SMARCC1: variants seen among roughly 807,000 people sequenced by gnomAD.
The protein encoded by SMARCC1 is SWI/SNF complex subunit SMARCC1.
SMARCC1 carries 43 observed loss-of-function variants against 147.4 expected under a neutral mutation model. The observed-to-expected ratio is 0.29, with a 90% CI of 0.23 to 0.38. The LOEUF is 0.38. SMARCC1 is among the 10% of genes least tolerant of loss of function. SMARCC1 has a pLI of 1.00. For missense variants in SMARCC1, 1,119 were observed against 1,381.1 expected (o/e 0.81, Z 3.01); for synonymous variants, 495 against 484.4 (o/e 1.02, Z -0.29).
chr3:47,733,983 A>G (rs1304802771), intron 5 of SMARCC1, among the ~76,000 whole-genome samples: 2 of 152,038 alleles, frequency 1.3e-5, no homozygotes, highest in Non-Finnish European at 2.9e-5. Context: ...GTGTGTATAT[A>G]TATACATATG....
chr3:47,689,473 T>C, intron 12 of SMARCC1, 49 bp from the exon 13 acceptor site: 3 of 1,490,704 alleles, frequency 2.0e-6, no homozygotes, highest in African/African-American at 1.4e-5. Flanking sequence ...TAAATGTTCT[T>C]TGGGTTATTT....
At chr3:47,631,102 GAGA>G (rs1464746747) in intron 24 of SMARCC1, among the ~76,000 whole-genome samples, 1 of 151,782 alleles carries the variant, frequency 6.6e-6, no homozygotes, top group African/African-American at 2.4e-5. Flanking sequence ...GAAAAAGAGA[GAGA>G]AGGAGAGAGA....
intron 12 of SMARCC1, among the ~76,000 whole-genome samples, chr3:47,691,560 G>A (rs1267990179): frequency 6.6e-6 from 1 of 151,932 alleles, no homozygotes; most frequent in Non-Finnish European, 1.5e-5. Context: ...GTTGCAGTGA[G>A]CCAAGATCAC....
rs1201881513 is a variant in SMARCC1, at chr3:47,666,590, A to T, written c.1900-3998T>A. Reference sequence around the variant, plus strand: ...AAAAGGCAGACTGTTTTCCTAATTAAAAAAAAAAAAAAAAAAGGTTCTCTT... The same window carrying T: ...AAAAGGCAGACTGTTTTCCTAATTATAAAAAAAAAAAAAAAAGGTTCTCTT... On this transcript the variant is annotated intron_variant, in intron 19 of 27. Coordinates refer to ENST00000254480, the MANE Select transcript of SMARCC1 (RefSeq NM_003074.4). 5.9e-3 allele frequency among the ~76,000 whole-genome samples: 22 copies of T among 3,738 alleles called. No homozygotes were observed. In the Non-Finnish European group the frequency reaches 0.17, roughly 30 times the overall value. 2.5% of individuals were successfully genotyped at this position (3,738 alleles called of 152,430 possible).
intron 10 of SMARCC1, among the ~76,000 whole-genome samples, chr3:47,702,778 T>TA (rs2033940820): frequency 6.6e-6 from 1 of 152,174 alleles, no homozygotes; most frequent in Non-Finnish European, 1.5e-5. Flanking sequence ...TTTCTTTCTC[T>TA]AATTTATTCT....
intron 21 of SMARCC1, among the ~76,000 whole-genome samples, chr3:47,641,250 G>A (rs1426273002): frequency 5.3e-5 from 8 of 152,218 alleles, no homozygotes; most frequent in Admixed American, 4.6e-4. Flanking sequence ...ACTTTGGGAG[G>A]CCAAGATGGG....
chr3:47,588,376 T>A, intron 27 of SMARCC1, 70 bp from the exon 28 acceptor site: 1 of 1,436,314 alleles, frequency 7.0e-7, no homozygotes, highest in Non-Finnish European at 9.7e-7. Context: ...GCCTATTCAG[T>A]GAAAAAAAGA....
intron 24 of SMARCC1, among the ~76,000 whole-genome samples, chr3:47,634,688 T>A (rs555460732): frequency 6.6e-6 from 1 of 152,148 alleles, no homozygotes; most frequent in Non-Finnish European, 1.5e-5. Flanking sequence ...CAGCTAATAC[T>A]ATAAATAGAA....
At chr3:47,703,087 A>G (rs986034775) in intron 10 of SMARCC1, among the ~76,000 whole-genome samples, 13 of 151,272 alleles carry the variant, frequency 8.6e-5, no homozygotes, top group Admixed American at 4.6e-4. Context: ...TCAATCACGC[A>G]CCGGCTAATT....
rs1181044596 is a variant in SMARCC1, at chr3:47,701,322, G to A, written c.1121C>T (p.Pro374Leu). ...TTCTTCTATATTGGGTACAGGTGTT[G>A]GGTCTTCCATATCCTTGGTTAGATC... ...QEDLTKDMED[P>L]TPVPNIEEVV... is the part of the protein sequence containing the mutation. Residue 374 changes from proline (P) to leucine (L), a missense_variant, in exon 11 of 28, where the codon CCA becomes CTA. By Grantham distance (98) the Pro-to-Leu change is moderately conservative. This residue lies in a region of SMARCC1 where 542 missense variants were observed against 611.8 expected (regional missense o/e 0.89). Coordinates refer to ENST00000254480, the MANE Select transcript of SMARCC1 (RefSeq NM_003074.4). The A allele has an allele frequency of 1.2e-6, 2 of 1,612,640 alleles. No homozygotes were observed. Among genetic ancestry groups the A allele is most frequent in the Non-Finnish European group, 1.7e-6 (2 of 1,178,778 alleles).
intron 3 of SMARCC1, among the ~76,000 whole-genome samples, chr3:47,738,396 C>T (rs1400732232): frequency 6.6e-6 from 1 of 152,104 alleles, no homozygotes; most frequent in African/African-American, 2.4e-5. Flanking sequence ...AAGTAGTCCA[C>T]ATATCCAGGC....
At chr3:47,638,588 T>C (rs1041877932) in intron 22 of SMARCC1, 137 bp downstream of exon 22, 15 of 686,716 alleles carry the variant, frequency 2.2e-5, no homozygotes, top group Admixed American at 4.7e-5. Flanking sequence ...GTGAGAACTA[T>C]ACCTTAAACC....
Position 47,695,494 on chromosome 3 carries a change from C to A in SMARCC1, c.1166-2194G>T, listed in dbSNP as rs545171073. Among the ~76,000 whole-genome samples, 6 of 152,088 alleles carry A rather than the reference C, an allele frequency of 3.9e-5. No individual in the cohort carries two copies. The East Asian group carries it at 1.2e-3, about 29-fold the overall frequency. On this transcript the variant is annotated intron_variant, in intron 11 of 27. Transcript: ENST00000254480. ...TAAAAGTTACTTTGTCATCCGGGCG[C>A]GGTGGCTCATGCTTGTAATCGCAGA...
intron 2 of SMARCC1, among the ~76,000 whole-genome samples, chr3:47,769,321 C>T (rs1054467463): frequency 3.3e-5 from 5 of 151,650 alleles, no homozygotes; most frequent in African/African-American, 1.2e-4. Flanking sequence ...TCAAGACCAG[C>T]CTGGCCAAGA....
intron 24 of SMARCC1, among the ~76,000 whole-genome samples, chr3:47,630,482 A>C (rs1163485160): frequency 1.3e-5 from 2 of 152,242 alleles, no homozygotes; most frequent in Non-Finnish European, 2.9e-5. Flanking sequence ...ATGATTAACA[A>C]GAAGCAATAA....
chr3:47,620,181 G>T (rs2032706505), intron 25 of SMARCC1, among the ~76,000 whole-genome samples: 2 of 152,198 alleles, frequency 1.3e-5, no homozygotes, highest in South Asian at 4.1e-4. Flanking sequence ...ATTTATTTTT[G>T]GCCAGGTGCG....
chr3:47,760,482 T>A (rs2034760880), intron 2 of SMARCC1, among the ~76,000 whole-genome samples: 1 of 152,038 alleles, frequency 6.6e-6, no homozygotes, highest in Non-Finnish European at 1.5e-5. Context: ...GCCAACATGG[T>A]GAAACCCAGT....
chr3:47,633,766 AT>A (rs1559630503), intron 24 of SMARCC1, among the ~76,000 whole-genome samples: 77 of 10,908 alleles, frequency 7.1e-3, no homozygotes, highest in African/African-American at 0.013. Context: ...AAAAAAAAAT[AT>A]ATATATATAT....
chr3:47,657,922 T>C (rs771945563), intron 21 of SMARCC1, among the ~76,000 whole-genome samples: 4 of 151,902 alleles, frequency 2.6e-5, no homozygotes, highest in Non-Finnish European at 5.9e-5. Flanking sequence ...TATACAGCTG[T>C]AAACACCTAC....
Sources: allele counts gnomAD v4.1 joint callset (sites outside exome capture counted in the v4.1 genomes callset), GRCh38; gene constraint gnomAD v4.1.1; regional missense constraint gnomAD v4.1.1; transcripts MANE v1.5; gene names NCBI Gene and HGNC (gene_info 2026-07-23, HGNC 2026-07-21).